The following AFF3 variants were observed in gnomAD, a reference collection of about 807,000 sequenced individuals.
The protein encoded by AFF3 is ALF transcription elongation factor 3.
AFF3 carries 32 observed loss-of-function variants against 129.7 expected under a neutral mutation model. The ratio of observed to expected loss-of-function variants is 0.25; its 90% CI spans 0.19 to 0.33. AFF3 has a LOEUF of 0.33. Ranked by LOEUF, AFF3 falls within the 10% of genes least tolerant of loss-of-function variation. The pLI is 1.00. For missense variants in AFF3, 1,373 were observed against 1,592.0 expected (o/e 0.86, Z 2.34); for synonymous variants, 644 against 635.4 (o/e 1.01, Z -0.20).
intron 7 of AFF3, among the ~76,000 whole-genome samples, chr2:99,856,819 TA>T (rs143359690): frequency 4.3e-4 from 65 of 152,258 alleles, no homozygotes; most frequent in Non-Finnish European, 8.5e-4. Flanking sequence ...ATAAGTATGT[TA>T]ATGTTATTCA....
chr2:99,970,720 G>A (rs1411869910), intron 7 of AFF3, among the ~76,000 whole-genome samples: 2 of 152,156 alleles, frequency 1.3e-5, no homozygotes, highest in Non-Finnish European at 2.9e-5. Context: ...TGCCCCTAGT[G>A]ACGCAGGGGC....
At chr2:99,928,025 C>T (rs1835160) in intron 7 of AFF3, among the ~76,000 whole-genome samples, 5,226 of 152,268 alleles carry the variant, frequency 0.034, 301 homozygotes, top group African/African-American at 0.12. Context: ...AGCTCTCTCT[C>T]TGCCTGCTGC....
At chr2:99,645,786 C>G (rs1684638997) in intron 13 of AFF3, among the ~76,000 whole-genome samples, 1 of 152,152 alleles carries the variant, frequency 6.6e-6, no homozygotes, top group South Asian at 2.1e-4. Flanking sequence ...ATATTGATTA[C>G]AGAAGATTCT....
At chr2:100,095,931 C>T (rs1166939502) in intron 4 of AFF3, among the ~76,000 whole-genome samples, 1 of 152,128 alleles carries the variant, frequency 6.6e-6, no homozygotes, top group Non-Finnish European at 1.5e-5. Flanking sequence ...GATGCAAGGT[C>T]CCCAACTGAA....
intron 4 of AFF3, among the ~76,000 whole-genome samples, chr2:100,073,780 G>A (rs533440967): frequency 1.8e-4 from 27 of 152,182 alleles, no homozygotes; most frequent in African/African-American, 6.5e-4. Context: ...CTCTTCATAG[G>A]AATCCTGTTT....
At chr2:99,706,177 T>C (rs1397412396) in intron 11 of AFF3, among the ~76,000 whole-genome samples, 1 of 152,170 alleles carries the variant, frequency 6.6e-6, no homozygotes, top group African/African-American at 2.4e-5. Flanking sequence ...CAGGTATTGG[T>C]AGACCCAGAC....
At chr2:99,930,866 G>A (rs1391909727) in intron 7 of AFF3, among the ~76,000 whole-genome samples, 1 of 152,160 alleles carries the variant, frequency 6.6e-6, no homozygotes, top group African/African-American at 2.4e-5. Flanking sequence ...TTTCTATGAG[G>A]CTCTAATGAG....
At chr2:99,986,120 G>A (rs1008897946) in intron 7 of AFF3, among the ~76,000 whole-genome samples, 13 of 151,336 alleles carry the variant, frequency 8.6e-5, no homozygotes, top group African/African-American at 3.1e-4. Context: ...AGAATGGTGT[G>A]AACCCAGGAG....
chr2:99,947,536 A>C (rs1180712814), intron 7 of AFF3, among the ~76,000 whole-genome samples: 1 of 150,836 alleles, frequency 6.6e-6, no homozygotes, highest in Non-Finnish European at 1.5e-5. Context: ...AGAAAGAAAG[A>C]AAAAGAGAGA....
chr2:100,010,288 T>G (rs1466399270), intron 4 of AFF3, among the ~76,000 whole-genome samples: 1 of 152,178 alleles, frequency 6.6e-6, no homozygotes, highest in Non-Finnish European at 1.5e-5. Flanking sequence ...AATAACTATC[T>G]TTAGTAAAAC....
chr2:99,935,453 T>A (rs1023313852), intron 7 of AFF3, among the ~76,000 whole-genome samples: 6 of 152,260 alleles, frequency 3.9e-5, no homozygotes, highest in Non-Finnish European at 5.9e-5. Context: ...TCTTTAAGGA[T>A]CTTCTCTGAA....
intron 13 of AFF3, among the ~76,000 whole-genome samples, chr2:99,631,804 C>T (rs1017693195): frequency 3.9e-5 from 6 of 152,132 alleles, no homozygotes; most frequent in Non-Finnish European, 7.3e-5. Context: ...AATAATGCTG[C>T]TGTGGACAGG....
chr2:99,626,609 T>C (rs2105351554), intron 13 of AFF3, among the ~76,000 whole-genome samples: 1 of 144,910 alleles, frequency 6.9e-6, no homozygotes, highest in South Asian at 2.4e-4. Flanking sequence ...CAGGGGTACA[T>C]GTGCAGGTTT....
At chr2:99,735,471 T>C (rs1042031811) in intron 10 of AFF3, among the ~76,000 whole-genome samples, 1 of 152,150 alleles carries the variant, frequency 6.6e-6, no homozygotes, top group Non-Finnish European at 1.5e-5. Context: ...AGTTCATTAA[T>C]TTTTTGTTTG....
intron 8 of AFF3, among the ~76,000 whole-genome samples, chr2:99,824,864 G>C (rs1687956027): frequency 6.6e-6 from 1 of 152,086 alleles, no homozygotes; most frequent in Admixed American, 6.5e-5. Context: ...ATGGAGTTCT[G>C]GGCCAATGAA....
rs1304319343 is a variant in AFF3, at chr2:99,625,391, G to A, written c.1185-23770C>T. Among the ~76,000 whole-genome samples the A allele has an allele frequency of 2.0e-5, 3 of 152,230 alleles. No individual in the cohort carries two copies. The East Asian group carries it at 5.8e-4, about 29-fold the overall frequency. The stretch of plus-strand genomic sequence containing the variant: ...CCTGGATTTTTACTTGCTGAATCTG[G>A]CAACCTTAAGTTTGCAATCTTTCTT... On this transcript the variant is annotated intron_variant, in intron 13 of 24. Transcript: ENST00000672756.
At chr2:100,083,734 T>C (rs1034673393) in intron 4 of AFF3, among the ~76,000 whole-genome samples, 1 of 151,776 alleles carries the variant, frequency 6.6e-6, no homozygotes, top group African/African-American at 2.4e-5. Context: ...GGAACAGAAA[T>C]GCAGAGACGA....
At chr2:100,058,048 G>A (rs974512307) in intron 4 of AFF3, among the ~76,000 whole-genome samples, 6 of 152,086 alleles carry the variant, frequency 3.9e-5, no homozygotes, top group Admixed American at 3.9e-4. Context: ...TTCAAATAGG[G>A]GAATCATAAA....
intron 7 of AFF3, among the ~76,000 whole-genome samples, chr2:99,883,008 G>A (rs917621963): frequency 5.9e-5 from 9 of 152,200 alleles, no homozygotes; most frequent in African/African-American, 1.7e-4. Context: ...ATTTAACTCT[G>A]AAGAAGTGTT....
Sources: gnomAD v4.1 joint callset for allele counts (sites outside exome capture counted in the v4.1 genomes callset) on GRCh38, gnomAD v4.1.1 for gene constraint, MANE v1.5 for transcripts, NCBI Gene and HGNC (gene_info 2026-07-23, HGNC 2026-07-21) for gene names.